CAMKMT: variants seen among roughly 807,000 people sequenced by gnomAD.
CAMKMT encodes calmodulin-lysine N-methyltransferase.
CAMKMT carries 53 observed loss-of-function variants against 48.0 expected under a neutral mutation model. The ratio of observed to expected loss-of-function variants is 1.10; its 90% CI spans 0.89 to 1.39. The LOEUF (loss-of-function observed/expected upper bound fraction) is 1.39. CAMKMT is among the 40% of genes most tolerant of loss of function. The pLI is 0.00. For synonymous variants in CAMKMT, 165 were observed against 152.3 expected, an observed-to-expected ratio of 1.08 and a Z score of -0.61; for missense variants, 428 against 402.7, an observed-to-expected ratio of 1.06 and a Z score of -0.54.
intron 3 of CAMKMT, among the ~76,000 whole-genome samples, chr2:44,581,250 C>A (rs1572848968): frequency 6.6e-6 from 1 of 151,980 alleles, no homozygotes; most frequent in African/African-American, 2.4e-5. Flanking sequence ...AATAATGAAA[C>A]CTTTATGTAT....
At chr2:44,695,018 T>A (rs1676861391) in intron 3 of CAMKMT, among the ~76,000 whole-genome samples, 1 of 152,252 alleles carries the variant, frequency 6.6e-6, no homozygotes, top group South Asian at 2.1e-4. Context: ...TTACCTAGAA[T>A]AAACTATTAA....
At chr2:44,409,116 T>C (rs1353539999) in intron 3 of CAMKMT, among the ~76,000 whole-genome samples, 2 of 4,036 alleles carry the variant, frequency 5.0e-4, no homozygotes, top group Non-Finnish European at 1.2e-3. Flanking sequence ...TATATATATA[T>C]ATATATATAT....
rs372176773 is a variant in CAMKMT at position 44,649,331 on chromosome 2, C to T, written c.377-54952C>T. Among the ~76,000 whole-genome samples the T allele has an allele frequency of 4.0e-5, 6 of 151,862 alleles. 1 individual carries two copies. The highest frequency in any genetic ancestry group is 3.9e-4 in the East Asian group (2 of 5,156). On this transcript the variant is annotated intron_variant, in intron 3 of 10. Coordinates refer to ENST00000378494, the MANE Select transcript of CAMKMT (RefSeq NM_024766.5). ...TCCAGGTTCAGTCCTAGGTGCTGGC[C>T]GTACTAAGATGAAAAAACAGGGACT...
chr2:44,686,917 CATACTGTATCACATTGTAAGTTGCTTT>C (rs1371977535), intron 3 of CAMKMT, among the ~76,000 whole-genome samples: 1 of 152,214 alleles, frequency 6.6e-6, no homozygotes, highest in Non-Finnish European at 1.5e-5. Flanking sequence ...CTAGCCAAAA[CATACTGTATCACATTGTAAGTTGCTTT>C]AAAGTTTGTA....
intron 3 of CAMKMT, among the ~76,000 whole-genome samples, chr2:44,583,081 C>G (rs1200350381): frequency 6.6e-6 from 1 of 152,090 alleles, no homozygotes; most frequent in Non-Finnish European, 1.5e-5. Context: ...GGGTATTGAT[C>G]CTATTATACT....
At chr2:44,570,981 A>G (rs1025495789) in intron 3 of CAMKMT, among the ~76,000 whole-genome samples, 2 of 152,216 alleles carry the variant, frequency 1.3e-5, no homozygotes, top group African/African-American at 4.8e-5. Flanking sequence ...AAAAGTAAAA[A>G]GGAAAACCCA....
intron 3 of CAMKMT, among the ~76,000 whole-genome samples, chr2:44,673,098 G>A (rs972219830): frequency 4.6e-5 from 7 of 151,944 alleles, no homozygotes; most frequent in Non-Finnish European, 8.8e-5. Flanking sequence ...TTGGCACTAC[G>A]GGCAAAGGAA....
chr2:44,502,574 A>G (rs1314985736), intron 3 of CAMKMT, among the ~76,000 whole-genome samples: 2 of 152,188 alleles, frequency 1.3e-5, no homozygotes, highest in Non-Finnish European at 2.9e-5. Flanking sequence ...TGCCATCTTA[A>G]TTAGAATTTT....
At chr2:44,650,173 C>G (rs1673978809) in intron 3 of CAMKMT, among the ~76,000 whole-genome samples, 1 of 152,178 alleles carries the variant, frequency 6.6e-6, no homozygotes, top group Admixed American at 6.5e-5. Flanking sequence ...CATGCTCCAT[C>G]TGAAACCCCT....
Position 44,362,750 on chromosome 2 carries a change from T to C in CAMKMT, c.138+605T>C, listed in dbSNP as rs1313032590. Among the ~76,000 whole-genome samples, 8 of 152,222 alleles carry C rather than the reference T, an allele frequency of 5.3e-5. No homozygotes were observed. In the East Asian group the frequency reaches 1.5e-3, roughly 29 times the overall value. On this transcript the variant is annotated intron_variant, in intron 1 of 10. Transcript: ENST00000378494. ...GTAGTGATCAGCGAGATTCTCCGTG[T>C]CCAAGGTGGGCTAGTCAAAGTGTGT...
At chr2:44,761,174 G>A (rs1680601313) in intron 9 of CAMKMT, among the ~76,000 whole-genome samples, 1 of 152,226 alleles carries the variant, frequency 6.6e-6, no homozygotes, top group Non-Finnish European at 1.5e-5. Context: ...CAAGGGCAGG[G>A]AGTCTAACCT....
chr2:44,737,866 T>C (rs1001593691), intron 7 of CAMKMT, among the ~76,000 whole-genome samples: 4 of 131,922 alleles, frequency 3.0e-5, no homozygotes, highest in Admixed American at 2.2e-4. Context: ...TTTCTTTTTT[T>C]TTTTTTCTTG....
chr2:44,393,951 GCTTA>G (rs1174073443), intron 3 of CAMKMT, among the ~76,000 whole-genome samples: 1 of 152,128 alleles, frequency 6.6e-6, no homozygotes, highest in Non-Finnish European at 1.5e-5. Context: ...AATTCTCAGT[GCTTA>G]CTTGATCCAA....
intron 3 of CAMKMT, among the ~76,000 whole-genome samples, chr2:44,416,695 C>T (rs999783317): frequency 3.3e-5 from 5 of 150,766 alleles, no homozygotes; most frequent in African/African-American, 1.2e-4. Flanking sequence ...CTGCCTCAGC[C>T]TCCTAAGTAG....
intron 3 of CAMKMT, among the ~76,000 whole-genome samples, chr2:44,498,095 T>C (rs1297907313): frequency 6.6e-6 from 1 of 152,188 alleles, no homozygotes; most frequent in East Asian, 1.9e-4. Context: ...ATTTTTACCC[T>C]GTGGAGCCCT....
chr2:44,426,016 C>G (rs893608006), intron 3 of CAMKMT, among the ~76,000 whole-genome samples: 1 of 152,136 alleles, frequency 6.6e-6, no homozygotes, highest in Non-Finnish European at 1.5e-5. Context: ...CAGGCGTGAG[C>G]CACTGTGCCC....
At chr2:44,662,275 A>G (rs1674722488) in intron 3 of CAMKMT, among the ~76,000 whole-genome samples, 1 of 152,192 alleles carries the variant, frequency 6.6e-6, no homozygotes, top group Non-Finnish European at 1.5e-5. Flanking sequence ...TGTCCGTCTT[A>G]AAAGTATGAT....
chr2:44,491,967 T>C (rs1669530458), intron 3 of CAMKMT, among the ~76,000 whole-genome samples: 1 of 152,224 alleles, frequency 6.6e-6, no homozygotes, highest in South Asian at 2.1e-4. Flanking sequence ...TTACCTTAAA[T>C]CGTGAATCCA....
At chr2:44,661,001 T>C (rs1674650763) in intron 3 of CAMKMT, among the ~76,000 whole-genome samples, 1 of 152,206 alleles carries the variant, frequency 6.6e-6, no homozygotes, top group Non-Finnish European at 1.5e-5. Flanking sequence ...CTTTTACTTG[T>C]GGTATATAAG....
Sources: allele counts gnomAD v4.1 joint callset (sites outside exome capture counted in the v4.1 genomes callset), GRCh38; gene constraint gnomAD v4.1.1; transcripts MANE v1.5; gene names NCBI Gene and HGNC (gene_info 2026-07-23, HGNC 2026-07-21).